EFTUD2: variants seen among roughly 807,000 people sequenced by gnomAD.
EFTUD2 encodes the protein elongation factor Tu GTP binding domain containing 2.
A neutral mutation model predicts 114.3 loss-of-function variants in EFTUD2; 9 were observed. The ratio of observed to expected loss-of-function variants is 0.08; its 90% confidence interval spans 0.05 to 0.14. The LOEUF (loss-of-function observed/expected upper bound fraction) is 0.14. Ranked by LOEUF, EFTUD2 falls within the 10% of genes least tolerant of loss-of-function variation. The probability of loss-of-function intolerance (pLI) is 1.00; values close to 1 mark genes in which losing one functional copy is unlikely to be tolerated. For synonymous variants in EFTUD2, 449 were observed against 462.3 expected (o/e 0.97, Z 0.37); for missense variants, 765 against 1,241.2 (o/e 0.62, Z 5.76).
chr17:44,879,515 A>C, intron 9 of EFTUD2, 41 bp downstream of exon 9: 1 of 1,606,654 alleles, frequency 6.2e-7, no homozygotes, highest in Middle Eastern at 1.7e-4. Flanking sequence ...GGGGGCAAAC[A>C]TAACAGGTGG....
Position 44,851,102 on chromosome 17 carries a change from G to A in EFTUD2, c.*172C>T. ...CACAGAAGGAAGCAGGAGGCCAAATGCTCCTCTCTCACTGGGGCTCTGGGT... is the reference window on the plus strand; with the variant it reads ...CACAGAAGGAAGCAGGAGGCCAAATACTCCTCTCTCACTGGGGCTCTGGGT... On this transcript the variant is annotated 3_prime_UTR_variant, in exon 28 of 28. Coordinates refer to ENST00000426333, the MANE Select transcript of EFTUD2 (RefSeq NM_004247.4). 1.7e-6 allele frequency: 1 copy of A among 605,454 alleles called. No homozygotes were observed. Among genetic ancestry groups the A allele is most frequent in the Non-Finnish European group, 3.0e-6 (1 of 336,838 alleles). The allele number at this position is 605,454 out of a possible 1,614,324, so 37.5% of individuals were successfully genotyped here.
intron 26 of EFTUD2, 144 bp from the exon 27 acceptor site, chr17:44,851,961 A>G (rs2050461383): frequency 2.6e-6 from 2 of 767,208 alleles, no homozygotes; most frequent in African/African-American, 1.8e-5. Flanking sequence ...CTTGTCTCCC[A>G]GGCTGGAGTA....
rs149995121 is a variant in EFTUD2 at position 44,857,985 on chromosome 17, G to A, written c.1963-828C>T. ...CACCCAGGCTGGAGTGCAATGGTGC[G>A]ATCTTGGCTCACTGCAACCTCTGCC... is the stretch of plus-strand genomic sequence containing the variant. On this transcript the variant is annotated intron_variant, in intron 19 of 27. Transcript: ENST00000426333. 9.9e-5 allele frequency among the ~76,000 whole-genome samples: 14 copies of A among 141,728 alleles called. No homozygotes were observed. The South Asian group carries it at 1.8e-3, about 18-fold the overall frequency. The allele number at this position is 141,728 out of a possible 152,430, so 93.0% of individuals were successfully genotyped here. A position where few individuals can be genotyped will look rare whatever the true frequency, so the allele number is the denominator to read the frequency against.
intron 14 of EFTUD2, among the ~76,000 whole-genome samples, chr17:44,864,673 G>A (rs1254186837): frequency 6.6e-6 from 1 of 152,088 alleles, no homozygotes; most frequent in Non-Finnish European, 1.5e-5. Flanking sequence ...CACAGAGCCT[G>A]CCTCCCCATC....
In EFTUD2 at chr17:44,853,533, T is replaced by C. The variant is rs762728133; in HGVS notation, c.2450A>G (p.Tyr817Cys). 3 of 1,614,010 alleles carry C rather than the reference T, an allele frequency of 1.9e-6. No homozygotes were observed. The highest frequency in any genetic ancestry group is 2.2e-5 in the East Asian group (1 of 44,868). ...TTCTCTTACCATGAGGAAGGCAGAG[T>C]AGACGACTCTCCTGGCTGTGGGGAT... ...QIIPTARRVV[Y>C]SAFLMATPRL... The change falls in exon 24 of 28, where the codon TAC (tyrosine) becomes TGC (cysteine). Residue 817 changes from tyrosine to cysteine, a missense_variant. Physicochemically the swap from Tyr to Cys is radical, Grantham distance 194. This residue lies in a region of EFTUD2 where 166 missense variants were observed against 401.5 expected (regional missense o/e 0.41). Transcript: ENST00000426333.
At chr17:44,871,123 C>T (rs1163742895) in intron 11 of EFTUD2, among the ~76,000 whole-genome samples, 1 of 151,972 alleles carries the variant, frequency 6.6e-6, no homozygotes, top group Non-Finnish European at 1.5e-5. Context: ...ACTGTAGCCT[C>T]AACCTCCCGG....
intron 1 of EFTUD2, 32 bp from the exon 2 acceptor site, chr17:44,894,557 G>T: frequency 6.4e-7 from 1 of 1,559,918 alleles, no homozygotes; most frequent in Non-Finnish European, 8.8e-7. Context: ...GTTAGATTCT[G>T]ACAAGGTAAT....
At chr17:44,890,881 G>T (rs2051267202) in intron 2 of EFTUD2, among the ~76,000 whole-genome samples, 1 of 152,126 alleles carries the variant, frequency 6.6e-6, no homozygotes, top group African/African-American at 2.4e-5. Flanking sequence ...CCTACAACCA[G>T]CAACTCTGCT....
intron 27 of EFTUD2, 147 bp from the exon 28 acceptor site, chr17:44,851,516 T>A (rs1006092423): frequency 2.3e-6 from 2 of 880,244 alleles, no homozygotes; most frequent in Non-Finnish European, 1.8e-6. Context: ...TAGGGTACTA[T>A]CACATGGGAG....
chr17:44,858,029 A>C (rs1181540284), intron 19 of EFTUD2, among the ~76,000 whole-genome samples: 1 of 148,334 alleles, frequency 6.7e-6, no homozygotes, highest in African/African-American at 2.5e-5. Context: ...TCAAACAATT[A>C]TCCTGTCTCA....
Position 44,854,233 on chromosome 17 carries a change from T to C in EFTUD2, c.2347+36A>G. 1 of 1,584,006 alleles carries C rather than the reference T, an allele frequency of 6.3e-7. No homozygotes were observed. The highest frequency in any genetic ancestry group is 8.6e-7 in the Non-Finnish European group (1 of 1,163,588). Reference sequence around the variant, plus strand: ...CTCATATGCCTGGCTGCAAGGACCCTCGAGGACTGGGGTGGGGGAGTGCTG... The same window carrying C: ...CTCATATGCCTGGCTGCAAGGACCCCCGAGGACTGGGGTGGGGGAGTGCTG... On this transcript the variant is annotated intron_variant, in intron 23 of 27. Coordinates refer to ENST00000426333, the MANE Select transcript of EFTUD2 (RefSeq NM_004247.4). This position sits in a 1 kb window ranked among gnomAD's most constrained non-coding sequence, Gnocchi z 4.3.
At chr17:44,883,501 G>A (rs1200068941) in intron 5 of EFTUD2, 148 bp downstream of exon 5, 8 of 759,588 alleles carry the variant, frequency 1.1e-5, no homozygotes, top group Non-Finnish European at 1.8e-5. Flanking sequence ...GAATTTCACA[G>A]TATGACTTCG....
At chr17:44,875,735 A>T in intron 10 of EFTUD2, 199 bp downstream of exon 10, 1 of 571,208 alleles carries the variant, frequency 1.8e-6, no homozygotes, top group Non-Finnish European at 3.1e-6. Flanking sequence ...ATACAGCCCA[A>T]GTACTGATCA....
intron 19 of EFTUD2, among the ~76,000 whole-genome samples, chr17:44,857,839 G>C (rs1567731762): frequency 6.6e-6 from 1 of 151,720 alleles, no homozygotes; most frequent in African/African-American, 2.4e-5. Flanking sequence ...CCACCCATGG[G>C]TTAATTGTTT....
At chr17:44,894,384 G>A in intron 2 of EFTUD2, 33 bp downstream of exon 2, 1 of 1,498,388 alleles carries the variant, frequency 6.7e-7, no homozygotes, top group Non-Finnish European at 9.3e-7. Flanking sequence ...AAATAAATAA[G>A]AGTGAGATAA....
Position 44,854,373 on chromosome 17 carries a change from G to A in EFTUD2, c.2260-17C>T, listed in dbSNP as rs755930825. 19 of 1,611,740 alleles carry A rather than the reference G, an allele frequency of 1.2e-5. No homozygotes were observed. In the African/African-American group the frequency reaches 2.4e-4, roughly 20 times the overall value. ...CTTGTCCACCTATAGAGAAACATGAGGCCTCCTTAGCAGTCGCCCTGGCAA... is the reference window on the plus strand; with the variant it reads ...CTTGTCCACCTATAGAGAAACATGAAGCCTCCTTAGCAGTCGCCCTGGCAA... On this transcript the variant is annotated splice_polypyrimidine_tract_variant and intron_variant, in intron 22 of 27. Transcript: ENST00000426333. The surrounding 1 kb of genome is among the most constrained non-coding windows in gnomAD (Gnocchi z 4.3).
At chr17:44,858,741 C>G (rs1357778881) in intron 19 of EFTUD2, among the ~76,000 whole-genome samples, 1 of 152,082 alleles carries the variant, frequency 6.6e-6, no homozygotes, top group Non-Finnish European at 1.5e-5. Flanking sequence ...CCATGCCCGG[C>G]CTGGCTATTT....
chr17:44,876,688 T>C (rs1052766534), intron 9 of EFTUD2, among the ~76,000 whole-genome samples: 2 of 151,540 alleles, frequency 1.3e-5, no homozygotes, highest in Admixed American at 6.6e-5. Flanking sequence ...CTGTCTCGAC[T>C]AAAAATACAA....
At chr17:44,868,390 G>T in intron 11 of EFTUD2, 40 bp from the exon 12 acceptor site, 2 of 1,602,898 alleles carry the variant, frequency 1.2e-6, no homozygotes, top group South Asian at 1.1e-5. Context: ...ACCTAGCAAA[G>T]TGTCGTTCAA....
Sources: gnomAD v4.1 joint callset for allele counts (sites outside exome capture counted in the v4.1 genomes callset) on GRCh38, gnomAD v4.1.1 for gene constraint, gnomAD v4.1.1 regional missense constraint, Gnocchi (gnomAD v3.1) non-coding constraint, MANE v1.5 for transcripts, NCBI Gene and HGNC (gene_info 2026-07-23, HGNC 2026-07-21) for gene names.